Variants in GRK3 observed in about 807,000 individuals in gnomAD.
GRK3 encodes G protein-coupled receptor kinase 3.
GRK3 carries 54 observed loss-of-function variants against 95.7 expected under a neutral mutation model. That is an observed-to-expected ratio of 0.56 (90% CI 0.45 to 0.71). GRK3 has a LOEUF of 0.71. Ranked by LOEUF, GRK3 falls within the 30% of genes least tolerant of loss-of-function variation. GRK3 has a pLI of 0.00. For missense variants in GRK3, 649 were observed against 851.2 expected, an observed-to-expected ratio of 0.76 and a Z score of 2.96; for synonymous variants, 281 against 290.8, an observed-to-expected ratio of 0.97 and a Z score of 0.34.
intron 19 of GRK3, among the ~76,000 whole-genome samples, chr22:25,720,548 C>T (rs982159708): frequency 2.9e-5 from 4 of 135,714 alleles, no homozygotes; most frequent in African/African-American, 1.1e-4. Flanking sequence ...GCGATCTTGG[C>T]TCACTGCAAC....
At chr22:25,590,798 C>T (rs970232941) in intron 1 of GRK3, among the ~76,000 whole-genome samples, 20 of 151,988 alleles carry the variant, frequency 1.3e-4, no homozygotes, top group East Asian at 1.9e-4. Context: ...AGCGATACTG[C>T]GTCTCAAAAC....
intron 11 of GRK3, among the ~76,000 whole-genome samples, chr22:25,688,841 A>G (rs550184849): frequency 6.6e-6 from 1 of 152,354 alleles, no homozygotes; most frequent in East Asian, 1.9e-4. Context: ...TTGCGCAAAC[A>G]TAGAAATGCG....
chr22:25,577,815 G>A (rs542655572), intron 1 of GRK3, among the ~76,000 whole-genome samples: 3 of 152,250 alleles, frequency 2.0e-5, no homozygotes, highest in South Asian at 2.1e-4. Flanking sequence ...AGGTGCCTTT[G>A]GGTCTATGTG....
At chr22:25,649,504 A>G in intron 3 of GRK3, among the ~76,000 whole-genome samples, 1 of 152,196 alleles carries the variant, frequency 6.6e-6, no homozygotes, top group East Asian at 1.9e-4. Flanking sequence ...ATGGTAATGA[A>G]GGACAGTGAG....
At chr22:25,713,267 T>G (rs1024759181) in intron 17 of GRK3, among the ~76,000 whole-genome samples, 1 of 151,802 alleles carries the variant, frequency 6.6e-6, no homozygotes, top group Non-Finnish European at 1.5e-5. Context: ...ACACACACAC[T>G]CACACACGCA....
chr22:25,675,013 C>G (rs1212942108), intron 8 of GRK3, among the ~76,000 whole-genome samples: 1 of 151,998 alleles, frequency 6.6e-6, no homozygotes, highest in African/African-American at 2.4e-5. Context: ...ACCTCCACCT[C>G]TTAGGGCCAA....
chr22:25,590,219 A>G (rs1260552367), intron 1 of GRK3, among the ~76,000 whole-genome samples: 6 of 152,244 alleles, frequency 3.9e-5, no homozygotes, highest in Non-Finnish European at 7.3e-5. Flanking sequence ...CTCTTTCAGA[A>G]TACAAAAGTG....
intron 2 of GRK3, among the ~76,000 whole-genome samples, chr22:25,625,646 T>C (rs1053407286): frequency 2.6e-5 from 4 of 152,204 alleles, no homozygotes; most frequent in African/African-American, 9.6e-5. Context: ...CCCACAGTTA[T>C]CCGGAGGCCT....
rs991998786 is a variant in GRK3 at position 25,728,050 on chromosome 22, G to T, written c.*5600G>T. 2.6e-5 allele frequency: 4 copies of T among 152,090 alleles called. No individual in the cohort carries two copies. The highest frequency in any genetic ancestry group is 9.7e-5 in the African/African-American group (4 of 41,400). The allele number at this position is 152,090 out of a possible 1,614,324, so 9.4% of individuals were successfully genotyped here. On this transcript the variant is annotated 3_prime_UTR_variant, in exon 21 of 21. Coordinates refer to ENST00000324198, the MANE Select transcript of GRK3 (RefSeq NM_005160.4). Reference sequence around the variant, plus strand: ...TTTATATTATTTATTGAATCCATAAGTTTGTTTTCGTCAAAAACATTCCAT... The same window carrying T: ...TTTATATTATTTATTGAATCCATAATTTTGTTTTCGTCAAAAACATTCCAT...
At chr22:25,630,071 T>G (rs1459002444) in intron 2 of GRK3, among the ~76,000 whole-genome samples, 1 of 152,234 alleles carries the variant, frequency 6.6e-6, no homozygotes, top group African/African-American at 2.4e-5. Flanking sequence ...TTTTATTGAT[T>G]TAATAAAACA....
chr22:25,586,250 A>G (rs1278090747), intron 1 of GRK3, among the ~76,000 whole-genome samples: 1 of 152,288 alleles, frequency 6.6e-6, no homozygotes, highest in Non-Finnish European at 1.5e-5. Context: ...GGTGGGAGAC[A>G]CAGGGACTTC....
chr22:25,665,172 C>T (rs1396062128), intron 5 of GRK3, among the ~76,000 whole-genome samples: 3 of 152,186 alleles, frequency 2.0e-5, no homozygotes, highest in East Asian at 1.9e-4. Context: ...AGGGTGCACA[C>T]GGGTTGCTTT....
intron 15 of GRK3, among the ~76,000 whole-genome samples, chr22:25,709,253 G>A (rs2085324810): frequency 6.6e-6 from 1 of 151,824 alleles, no homozygotes; most frequent in Non-Finnish European, 1.5e-5. Flanking sequence ...TAGCCAGGAT[G>A]GTCTTGATCT....
At chr22:25,624,520 C>T (rs554765549) in intron 2 of GRK3, among the ~76,000 whole-genome samples, 16 of 152,150 alleles carry the variant, frequency 1.1e-4, no homozygotes, top group African/African-American at 3.4e-4. Flanking sequence ...GCCTAGATCA[C>T]GCCACTGCAT....
chr22:25,712,453 T>C (rs563632326), intron 17 of GRK3, among the ~76,000 whole-genome samples: 2 of 152,366 alleles, frequency 1.3e-5, no homozygotes, highest in Non-Finnish European at 2.9e-5. Context: ...GCTGTCACAA[T>C]AGAATTTTTT....
intron 15 of GRK3, among the ~76,000 whole-genome samples, chr22:25,708,807 G>T (rs919687493): frequency 6.6e-6 from 1 of 151,378 alleles, no homozygotes; most frequent in East Asian, 2.0e-4. Context: ...GACTACAGGC[G>T]CCTGCCACCA....
At chr22:25,565,216 C>A (rs1432380323) in intron 1 of GRK3, 63 bp downstream of exon 1, 1 of 865,320 alleles carries the variant, frequency 1.2e-6, no homozygotes, top group South Asian at 1.9e-5. Context: ...CCAGCTACCC[C>A]CTGCTTCCTG....
At chr22:25,643,893 A>G (rs1030180113) in intron 2 of GRK3, among the ~76,000 whole-genome samples, 7 of 152,254 alleles carry the variant, frequency 4.6e-5, no homozygotes, top group African/African-American at 1.7e-4. Flanking sequence ...ACTTCAGAGC[A>G]CAGTTGGCTT....
intron 6 of GRK3, among the ~76,000 whole-genome samples, chr22:25,670,881 C>CAAAAAAAAA (rs71191074): frequency 4.4e-3 from 278 of 62,648 alleles, no homozygotes; most frequent in Non-Finnish European, 6.6e-3. Flanking sequence ...ACTAAAAATA[C>CAAAAAAAAA]AAAAAAAAAA....
Sources: allele counts gnomAD v4.1 joint callset (sites outside exome capture counted in the v4.1 genomes callset), GRCh38; gene constraint gnomAD v4.1.1; transcripts MANE v1.5; gene names NCBI Gene and HGNC (gene_info 2026-07-23, HGNC 2026-07-21).